Variants in ASTN2 observed in about 807,000 individuals in gnomAD.
The protein encoded by ASTN2 is astrotactin 2, also known as astrotactin-2.
ASTN2 carries 54 observed loss-of-function variants against 139.8 expected under a neutral mutation model. The ratio of observed to expected loss-of-function variants is 0.39; its 90% CI spans 0.31 to 0.48. The LOEUF is 0.48. Ranked by LOEUF, ASTN2 falls within the 20% of genes least tolerant of loss-of-function variation. ASTN2 has a pLI of 0.95. For missense variants in ASTN2, 1,565 were observed against 1,725.1 expected, an observed-to-expected ratio of 0.91 and a Z score of 1.64; for synonymous variants, 756 against 719.5, an observed-to-expected ratio of 1.05 and a Z score of -0.81.
chr9:117,263,204 C>G (rs1046108413), intron 2 of ASTN2, among the ~76,000 whole-genome samples: 1 of 152,068 alleles, frequency 6.6e-6, no homozygotes, highest in Admixed American at 6.5e-5. Context: ...CTCTCTTTTT[C>G]CCTAATGATA....
chr9:116,616,750 T>C (rs1236739902), intron 19 of ASTN2, among the ~76,000 whole-genome samples: 3 of 151,378 alleles, frequency 2.0e-5, no homozygotes, highest in Non-Finnish European at 4.4e-5. Flanking sequence ...AAACCTCTGC[T>C]ATTATAAAAC....
intron 5 of ASTN2, among the ~76,000 whole-genome samples, chr9:117,045,320 A>T (rs1348812139): frequency 2.7e-5 from 4 of 145,818 alleles, no homozygotes; most frequent in Admixed American, 6.8e-5. Context: ...TTGCCTGAGT[A>T]TTTTTTTTTT....
At chr9:116,621,414 T>TAC (rs56109422) in intron 17 of ASTN2, among the ~76,000 whole-genome samples, 10,521 of 142,202 alleles carry the variant, frequency 0.074, 1,052 homozygotes, top group African/African-American at 0.23. Context: ...TTAAAACACA[T>TAC]ACACACACAC....
At chr9:116,688,010 A>G (rs1387148304) in intron 16 of ASTN2, among the ~76,000 whole-genome samples, 1 of 152,004 alleles carries the variant, frequency 6.6e-6, no homozygotes, top group Non-Finnish European at 1.5e-5. Flanking sequence ...TCAGTGCATA[A>G]GAGGAAGGAG....
chr9:116,581,070 A>T (rs971807790), intron 19 of ASTN2, among the ~76,000 whole-genome samples: 2 of 152,092 alleles, frequency 1.3e-5, no homozygotes, highest in Admixed American at 6.5e-5. Flanking sequence ...GGCAGAAATG[A>T]GCCTTAGTGT....
At position 117,049,167 on chromosome 9, in the gene ASTN2, C is replaced by T. The variant is rs567908266; in HGVS notation, c.1277-9202G>A. Among the ~76,000 whole-genome samples, 276 of 151,974 alleles carry T rather than the reference C, an allele frequency of 1.8e-3. 1 individual carries two copies. Among genetic ancestry groups the T allele is most frequent in the African/African-American group, 6.5e-3 (268 of 41,466 alleles). On this transcript the variant is annotated intron_variant, in intron 5 of 22. Transcript: ENST00000313400. ...ATTTTTAGTAGAGGCAGAGTTTCAC[C>T]ATGTTGCACAGGATGGTTATTGCTC...
chr9:117,029,364 G>A (rs1339291801), intron 6 of ASTN2, among the ~76,000 whole-genome samples: 1 of 152,152 alleles, frequency 6.6e-6, no homozygotes, highest in Non-Finnish European at 1.5e-5. Flanking sequence ...CCCTCCCTGG[G>A]AAGCCTGCAA....
intron 1 of ASTN2, among the ~76,000 whole-genome samples, chr9:117,298,816 T>A (rs1466792989): frequency 6.6e-6 from 1 of 151,752 alleles, no homozygotes; most frequent in African/African-American, 2.4e-5. Flanking sequence ...ATTATTTGTG[T>A]AGCCTGGTGC....
intron 19 of ASTN2, among the ~76,000 whole-genome samples, chr9:116,563,382 T>TA (rs77833316): frequency 6.8e-6 from 1 of 147,624 alleles, no homozygotes; most frequent in Non-Finnish European, 1.5e-5. Context: ...CTCAAAAAAA[T>TA]AAAAATAAAA....
At chr9:116,495,631 C>T (rs1338375695) in intron 19 of ASTN2, among the ~76,000 whole-genome samples, 1 of 152,130 alleles carries the variant, frequency 6.6e-6, no homozygotes, top group Non-Finnish European at 1.5e-5. Flanking sequence ...AATACAAATC[C>T]TATGAGGTAT....
chr9:116,737,696 C>T (rs1828976377), intron 13 of ASTN2, among the ~76,000 whole-genome samples: 1 of 148,126 alleles, frequency 6.8e-6, no homozygotes, highest in South Asian at 2.2e-4. Context: ...ATAATATTTA[C>T]AGAGATTTAT....
chr9:116,639,449 T>C (rs1007367423), intron 17 of ASTN2, among the ~76,000 whole-genome samples: 5 of 152,224 alleles, frequency 3.3e-5, no homozygotes, highest in African/African-American at 1.2e-4. Context: ...TGACTTTTTT[T>C]TTCTTCTTAG....
At chr9:116,920,440 G>A (rs1248456874) in intron 10 of ASTN2, among the ~76,000 whole-genome samples, 1 of 152,146 alleles carries the variant, frequency 6.6e-6, no homozygotes, top group Admixed American at 6.5e-5. Flanking sequence ...TGAAGAATGG[G>A]GGCAACCAAC....
intron 16 of ASTN2, among the ~76,000 whole-genome samples, chr9:116,685,661 G>A (rs979114506): frequency 1.3e-5 from 2 of 152,104 alleles, no homozygotes; most frequent in Non-Finnish European, 2.9e-5. Context: ...AAAATTGAGT[G>A]CATTTCCTAG....
chr9:116,863,778 CT>C, intron 10 of ASTN2, 45 bp from the exon 11 acceptor site: 3 of 1,527,842 alleles, frequency 2.0e-6, no homozygotes, highest in Admixed American at 2.0e-5. Context: ...CATTTGGATC[CT>C]TAGATTAAAA....
intron 2 of ASTN2, among the ~76,000 whole-genome samples, chr9:117,229,399 C>A (rs1832819824): frequency 6.6e-6 from 1 of 152,182 alleles, no homozygotes; most frequent in African/African-American, 2.4e-5. Flanking sequence ...CCAAGACCCA[C>A]CCTCATATCC....
At position 117,353,047 on chromosome 9, in the gene ASTN2, G is replaced by A. The variant is rs138407196; in HGVS notation, c.442+61450C>T. Reference sequence around the variant, plus strand: ...GGAGTTATTGCTTAATGATTGCAGAGAGTTTTTATTTGGGGTCATGAAAAA... The same window carrying A: ...GGAGTTATTGCTTAATGATTGCAGAAAGTTTTTATTTGGGGTCATGAAAAA... On this transcript the variant is annotated intron_variant, in intron 1 of 22. Coordinates refer to ENST00000313400, the MANE Select transcript of ASTN2 (RefSeq NM_001365068.1). Among the ~76,000 whole-genome samples the A allele has an allele frequency of 2.1e-3, 321 of 152,268 alleles. 1 individual carries two copies. The highest frequency in any genetic ancestry group is 7.1e-3 in the African/African-American group (294 of 41,564).
intron 1 of ASTN2, among the ~76,000 whole-genome samples, chr9:117,400,204 C>A (rs927355698): frequency 2.0e-5 from 3 of 152,188 alleles, no homozygotes; most frequent in African/African-American, 7.2e-5. Context: ...CACAACAAAT[C>A]AATGGCAGAA....
chr9:117,326,575 G>A (rs1359884210), intron 1 of ASTN2, among the ~76,000 whole-genome samples: 2 of 152,146 alleles, frequency 1.3e-5, no homozygotes, highest in African/African-American at 4.8e-5. Context: ...TGTACAAAAG[G>A]CTTAATACAC....
Sources: allele counts gnomAD v4.1 joint callset (sites outside exome capture counted in the v4.1 genomes callset), GRCh38; gene constraint gnomAD v4.1.1; transcripts MANE v1.5; gene names NCBI Gene and HGNC (gene_info 2026-07-23, HGNC 2026-07-21).